SLC12A8: variants seen among roughly 807,000 people sequenced by gnomAD.
The protein encoded by SLC12A8 is solute carrier family 12 member 8, also known as cation-chloride cotransporter 9.
Under a neutral mutation model 75.6 loss-of-function variants are expected in SLC12A8, and 69 were observed. That is an observed-to-expected ratio of 0.91 (90% confidence interval 0.75 to 1.11). The LOEUF is 1.11. Ranked by LOEUF, SLC12A8 falls within the 50% of genes most tolerant of loss-of-function variation. SLC12A8 has a pLI of 0.00. For missense variants in SLC12A8, 877 were observed against 896.7 expected, an observed-to-expected ratio of 0.98 and a Z score of 0.28; for synonymous variants, 365 against 372.8, an observed-to-expected ratio of 0.98 and a Z score of 0.24.
At chr3:125,163,345 C>A (rs544865872) in intron 5 of SLC12A8, among the ~76,000 whole-genome samples, 1 of 151,382 alleles carries the variant, frequency 6.6e-6, no homozygotes, top group South Asian at 2.1e-4. Context: ...CGGTGGTTCA[C>A]GCCTGTAATC....
intron 8 of SLC12A8, among the ~76,000 whole-genome samples, chr3:125,111,201 A>G (rs916840021): frequency 6.6e-6 from 1 of 152,122 alleles, no homozygotes; most frequent in Non-Finnish European, 1.5e-5. Context: ...TTACCCTAGA[A>G]TTCTTGGTGC....
chr3:125,108,240 A>G (rs1443244392), intron 9 of SLC12A8, 114 bp from the exon 10 acceptor site: 1 of 1,020,714 alleles, frequency 9.8e-7, no homozygotes, highest in Non-Finnish European at 1.4e-6. Flanking sequence ...ACTTCTCCCC[A>G]TGTGATTATT....
In SLC12A8 at chr3:125,174,258, G is replaced by A. The variant is rs542364600; in HGVS notation, c.622+3485C>T. 4.6e-5 allele frequency among the ~76,000 whole-genome samples: 7 copies of A among 152,218 alleles called. No homozygotes were observed. In the South Asian group the frequency reaches 8.3e-4, roughly 18 times the overall value. ...CAATATCATACGTCATTAGAGAATC[G>A]CAAATTAAAACAATGATGAGATATT... On this transcript the variant is annotated intron_variant, in intron 5 of 13. Coordinates refer to ENST00000469902, the MANE Select transcript of SLC12A8 (RefSeq NM_024628.6).
intron 7 of SLC12A8, 175 bp from the exon 8 acceptor site, chr3:125,119,031 T>G (rs1025957318): frequency 1.4e-5 from 7 of 507,232 alleles, no homozygotes; most frequent in African/African-American, 1.4e-4. Flanking sequence ...ATTTCTCTTC[T>G]GGCATATTTC....
At chr3:125,198,946 T>C (rs1461202113) in intron 2 of SLC12A8, among the ~76,000 whole-genome samples, 1 of 149,146 alleles carries the variant, frequency 6.7e-6, no homozygotes, top group Non-Finnish European at 1.5e-5. Flanking sequence ...CCCGGCTAAT[T>C]TTTTTGAATT....
At chr3:125,148,288 G>A (rs910609877) in intron 5 of SLC12A8, among the ~76,000 whole-genome samples, 17 of 152,238 alleles carry the variant, frequency 1.1e-4, no homozygotes. Context: ...GTGCTGGCCT[G>A]GGGTGTGGGC....
intron 5 of SLC12A8, among the ~76,000 whole-genome samples, chr3:125,150,106 CTA>C (rs1933883590): frequency 6.6e-6 from 1 of 152,158 alleles, no homozygotes; most frequent in Admixed American, 6.5e-5. Context: ...CTCAAGGACT[CTA>C]TGTTAAAAAT....
At position 125,082,865 on chromosome 3, in the gene SLC12A8, T is replaced by C. The variant is rs1448894062; in HGVS notation, c.*1025A>G. On this transcript the variant is annotated 3_prime_UTR_variant, in exon 14 of 14. Coordinates refer to ENST00000469902, the MANE Select transcript of SLC12A8 (RefSeq NM_024628.6). ...ATTGTGGAACTGGCGAAATAAATTATAACACATTTATACAATGAAAAAAAT... is the reference window on the plus strand; with the variant it reads ...ATTGTGGAACTGGCGAAATAAATTACAACACATTTATACAATGAAAAAAAT... The C allele has an allele frequency of 2.0e-5, 3 of 152,176 alleles. No homozygotes were observed. The highest frequency in any genetic ancestry group is 4.4e-5 in the Non-Finnish European group (3 of 68,036). The allele number at this position is 152,176 out of a possible 1,614,324, so 9.4% of individuals were successfully genotyped here.
intron 5 of SLC12A8, among the ~76,000 whole-genome samples, chr3:125,175,822 C>G (rs543280557): frequency 6.6e-6 from 1 of 152,180 alleles, no homozygotes; most frequent in African/African-American, 2.4e-5. Flanking sequence ...GCTGCAAAGC[C>G]TGGGCTCCAG....
intron 5 of SLC12A8, among the ~76,000 whole-genome samples, chr3:125,165,491 G>T (rs1323890730): frequency 2.6e-5 from 4 of 152,228 alleles, no homozygotes; most frequent in Non-Finnish European, 5.9e-5. Context: ...CCACAAAGGA[G>T]ACTCGGGGAC....
At chr3:125,188,763 G>A (rs1466948628) in intron 3 of SLC12A8, among the ~76,000 whole-genome samples, 1 of 152,204 alleles carries the variant, frequency 6.6e-6, no homozygotes, top group Non-Finnish European at 1.5e-5. Flanking sequence ...TGTCCTGGAA[G>A]TCAGTTGTAC....
intron 5 of SLC12A8, among the ~76,000 whole-genome samples, chr3:125,170,788 G>A (rs550909557): frequency 4.6e-5 from 7 of 152,272 alleles, no homozygotes; most frequent in South Asian, 2.1e-4. Flanking sequence ...GGTGGCGGGC[G>A]CCTGTAGTCC....
At chr3:125,120,004 T>C (rs73859121) in intron 7 of SLC12A8, 5,262 of 416,436 alleles carry the variant, frequency 0.013, 241 homozygotes, top group African/African-American at 0.099. Context: ...CCTGACGGCC[T>C]GGGGGAGCTG....
intron 5 of SLC12A8, among the ~76,000 whole-genome samples, chr3:125,174,078 C>T (rs775088877): frequency 6.6e-6 from 1 of 152,186 alleles, no homozygotes; most frequent in Non-Finnish European, 1.5e-5. Context: ...GGTGACAGAA[C>T]AAGACCCTGT....
In SLC12A8 at chr3:125,177,854, T is replaced by C. The variant is rs1310834313; in HGVS notation, c.511A>G (p.Ile171Val). ...SVAVLLALLG[I>V]NLAGVKWIIR... ...ATCCATTTGACACCTGCGAGGTTAA[T>C]GCCCAGCAAGGCCAGAAGCACCGCA... The change falls in exon 5 of 14, where the codon ATT becomes GTT. Residue 171 changes from isoleucine to valine, a missense_variant. By Grantham distance (29) the Ile-to-Val change is conservative. Coordinates refer to ENST00000469902, the MANE Select transcript of SLC12A8 (RefSeq NM_024628.6). 2 of 1,614,216 alleles carry C rather than the reference T, an allele frequency of 1.2e-6. No individual in the cohort carries two copies. The highest frequency in any genetic ancestry group is 1.7e-5 in the Admixed American group (1 of 60,034).
Position 125,120,643 on chromosome 3 carries a change from A to C in SLC12A8, c.780T>G (p.Pro260=). 1 of 1,613,694 alleles carries C rather than the reference A, an allele frequency of 6.2e-7. No homozygotes were observed. Among genetic ancestry groups the C allele is most frequent in the Non-Finnish European group, 8.5e-7 (1 of 1,179,924 alleles). ...GFNMGGDLRE[P]AASIPLGSLA... ...GGGAGCCCAGGGGAATGCTGGCGGC[A>C]GGCTCCCTGAGGTCGCCCCCCATGT... is the stretch of plus-strand genomic sequence containing the variant. Residue 260 remains proline, a synonymous_variant, in exon 7 of 14, where the codon CCT becomes CCG. Transcript: ENST00000469902.
chr3:125,097,606 G>A (rs181532998), intron 10 of SLC12A8, among the ~76,000 whole-genome samples: 32 of 150,916 alleles, frequency 2.1e-4, no homozygotes, highest in African/African-American at 7.8e-4. Flanking sequence ...AGAAGTAGTA[G>A]GAAAGGTTTG....
At chr3:125,137,820 G>A (rs549808510) in intron 5 of SLC12A8, among the ~76,000 whole-genome samples, 1 of 152,302 alleles carries the variant, frequency 6.6e-6, no homozygotes, top group East Asian at 1.9e-4. Context: ...GAGTCACTTG[G>A]CTCCCTCGTG....
intron 13 of SLC12A8, among the ~76,000 whole-genome samples, chr3:125,086,315 T>C (rs1402134892): frequency 1.3e-5 from 2 of 152,190 alleles, no homozygotes; most frequent in African/African-American, 4.8e-5. Context: ...GCCTGGTGTT[T>C]GTGTTATGAA....
Sources: allele counts gnomAD v4.1 joint callset (sites outside exome capture counted in the v4.1 genomes callset), GRCh38; gene constraint gnomAD v4.1.1; transcripts MANE v1.5; gene names NCBI Gene and HGNC (gene_info 2026-07-23, HGNC 2026-07-21).